ZNF483: variants seen among roughly 807,000 people sequenced by gnomAD.
ZNF483 encodes zinc finger protein HIT-10.
A neutral mutation model predicts 28.6 loss-of-function variants in ZNF483; 9 were observed. That is an observed-to-expected ratio of 0.32 (90% CI 0.19 to 0.55). The LOEUF is 0.55. Among genes scored for constraint, ZNF483 ranks in the 20% least tolerant of loss-of-function variants. The probability of loss-of-function intolerance (pLI) is 0.93; values close to 1 mark genes in which losing one functional copy is unlikely to be tolerated. For missense variants in ZNF483, 675 were observed against 871.7 expected, an observed-to-expected ratio of 0.77 and a Z score of 2.84; for synonymous variants, 322 against 306.2, an observed-to-expected ratio of 1.05 and a Z score of -0.54.
Position 111,543,176 on chromosome 9 carries a change from G to A in ZNF483, c.*6G>A. 5.7e-6 allele frequency: 9 copies of A among 1,584,916 alleles called. No homozygotes were observed. Among genetic ancestry groups the A allele is most frequent in the Non-Finnish European group, 7.7e-6 (9 of 1,166,590 alleles). On this transcript the variant is annotated 3_prime_UTR_variant, in exon 6 of 6. Transcript: ENST00000309235. ...GATTTCACTCTGCAGAGTAATCCTG[G>A]AACTACATTAAAGTGGGGGGAATTT...
chr9:111,538,910 G>A (rs564065166), intron 5 of ZNF483, among the ~76,000 whole-genome samples: 1 of 151,618 alleles, frequency 6.6e-6, no homozygotes, highest in South Asian at 2.1e-4. Context: ...TCAGGAGTTC[G>A]AGACCAACCT....
intron 2 of ZNF483, 124 bp downstream of exon 2, chr9:111,527,931 G>C (rs768456854): frequency 1.9e-6 from 3 of 1,566,436 alleles, no homozygotes; most frequent in Non-Finnish European, 2.6e-6. Flanking sequence ...GACTGGGTTT[G>C]AATCAGCCCT....
chr9:111,538,199 A>G (rs1827567201), intron 5 of ZNF483, among the ~76,000 whole-genome samples: 1 of 151,610 alleles, frequency 6.6e-6, no homozygotes, highest in Non-Finnish European at 1.5e-5. Context: ...ATCTCCAAAA[A>G]TTTTTCTAAC....
chr9:111,557,472 G>T (rs537605490), downstream of ZNF483, among the ~76,000 whole-genome samples: 1 of 151,734 alleles, frequency 6.6e-6, no homozygotes, highest in African/African-American at 2.4e-5. Context: ...TGGAGATGGA[G>T]TCTCGCTCTG....
At chr9:111,560,974 T>TATATAG (rs1564607823) in intron 5 of ZNF483, among the ~76,000 whole-genome samples, 1 of 9,334 alleles carries the variant, frequency 1.1e-4, no homozygotes, top group Non-Finnish European at 1.9e-4. Context: ...TATATATATA[T>TATATAG]AGAGAGAGAG....
intron 4 of ZNF483, among the ~76,000 whole-genome samples, 157 bp downstream of exon 4, chr9:111,534,022 T>C (rs1392352350): frequency 6.6e-6 from 1 of 152,224 alleles, no homozygotes; most frequent in Non-Finnish European, 1.5e-5. Flanking sequence ...AAATGTGCTT[T>C]TCTGCAGCGT....
chr9:111,573,583 G>C (rs1372073873), intron 5 of ZNF483, among the ~76,000 whole-genome samples: 4 of 150,486 alleles, frequency 2.7e-5, no homozygotes, highest in Admixed American at 6.6e-5. Context: ...CTCCTTTTTT[G>C]GGGGGGGACC....
In ZNF483 at chr9:111,549,531, C is replaced by T. The variant is rs1446868672; in HGVS notation, c.*6361C>T. ...TTATGAAGTCTGATGTTGAGAGGTT[C>T]TTCCAGGTTGGAGTTCTCAGGTCTG... On this transcript the variant is annotated 3_prime_UTR_variant, in exon 6 of 6. Coordinates refer to ENST00000309235, the MANE Select transcript of ZNF483 (RefSeq NM_133464.5). Among the ~76,000 whole-genome samples, 1 of 152,164 alleles carries T rather than the reference C, an allele frequency of 6.6e-6. No individual in the cohort carries two copies. Among genetic ancestry groups the T allele is most frequent in the Non-Finnish European group, 1.5e-5 (1 of 68,036 alleles).
In ZNF483 at chr9:111,563,122, C is replaced by T. The variant is rs1443141984; in HGVS notation, c.722-13243C>T. 30 of 1,611,720 alleles carry T rather than the reference C, an allele frequency of 1.9e-5. No individual in the cohort carries two copies. The East Asian group carries it at 6.5e-4, about 35-fold the overall frequency. ...TCCAGATTCCATGTGTCCTCTTTTTCATGCTTTCACTATTGTCTTCCCCAA... is the reference window on the plus strand; with the variant it reads ...TCCAGATTCCATGTGTCCTCTTTTTTATGCTTTCACTATTGTCTTCCCCAA... On this transcript the variant is annotated intron_variant, in intron 5 of 5. Transcript: ENST00000358151.
rs536117521 is a variant in ZNF483 at position 111,545,943 on chromosome 9, C to T, written c.*2773C>T. Among the ~76,000 whole-genome samples the T allele has an allele frequency of 2.6e-5, 4 of 152,238 alleles. No homozygotes were observed. The highest frequency in any genetic ancestry group is 1.9e-4 in the East Asian group (1 of 5,176). ...GCCTGAGGGGAGTTGCTAGGTCATA[C>T]GGTAAATTTTCATTTAACTTTTTTA... On this transcript the variant is annotated 3_prime_UTR_variant, in exon 6 of 6. Transcript: ENST00000309235.
exon 6 of ZNF483, chr9:111,577,192 C>T (rs1341033934): frequency 6.6e-6 from 1 of 152,018 alleles, no homozygotes; most frequent in Non-Finnish European, 1.5e-5. Context: ...ATGGCAAATA[C>T]ATACGTTGAA....
Position 111,554,556 on chromosome 9 carries a change from A to G in ZNF483, c.*11386A>G, listed in dbSNP as rs1352889160. ...AACCTCAGATAGTACCAAACCCTGT[A>G]TGTTCTATGTTTTGTCAGTCTGATA... On this transcript the variant is annotated 3_prime_UTR_variant, in exon 6 of 6. Transcript: ENST00000309235. Among the ~76,000 whole-genome samples, 1 of 152,124 alleles carries G rather than the reference A, an allele frequency of 6.6e-6. No individual in the cohort carries two copies. The highest frequency in any genetic ancestry group is 1.5e-5 in the Non-Finnish European group (1 of 68,012).
rs942166996 is a variant in ZNF483, at chr9:111,553,300, G to A, written c.*10130G>A. Among the ~76,000 whole-genome samples, 4 of 152,140 alleles carry A rather than the reference G, an allele frequency of 2.6e-5. No homozygotes were observed. The highest frequency in any genetic ancestry group is 5.9e-5 in the Non-Finnish European group (4 of 68,030). ...TCTAGTCTTCTTGACTATGCCAGTTGTAGTACCAGCTTCTGTATCTGCACT... is the reference window on the plus strand; with the variant it reads ...TCTAGTCTTCTTGACTATGCCAGTTATAGTACCAGCTTCTGTATCTGCACT... On this transcript the variant is annotated 3_prime_UTR_variant, in exon 6 of 6. Transcript: ENST00000309235.
chr9:111,530,221 A>G (rs930205652), intron 2 of ZNF483, among the ~76,000 whole-genome samples: 14 of 152,218 alleles, frequency 9.2e-5, no homozygotes, highest in Admixed American at 3.9e-4. Context: ...TAAAAACCCA[A>G]AAGGACACAG....
rs1245689888 is a variant in ZNF483 at position 111,545,668 on chromosome 9, T to C, written c.*2498T>C. ...GTACATTTTATGTTATATGTGATCT[T>C]TCTGTGTTTTTTTCATTAATGTGTT... On this transcript the variant is annotated 3_prime_UTR_variant, in exon 6 of 6. Coordinates refer to ENST00000309235, the MANE Select transcript of ZNF483 (RefSeq NM_133464.5). 1.3e-5 allele frequency among the ~76,000 whole-genome samples: 2 copies of C among 152,194 alleles called. No homozygotes were observed. The highest frequency in any genetic ancestry group is 4.8e-5 in the African/African-American group (2 of 41,452).
chr9:111,528,641 A>G (rs1326296841), intron 2 of ZNF483, among the ~76,000 whole-genome samples: 1 of 152,188 alleles, frequency 6.6e-6, no homozygotes, highest in South Asian at 2.1e-4. Flanking sequence ...ATTATTTACC[A>G]TAGGGCTCCT....
chr9:111,531,186 G>A lies in ZNF483; in HGVS notation c.501+223G>A, dbSNP rs1416875545. On this transcript the variant is annotated intron_variant, in intron 3 of 5. Coordinates refer to ENST00000309235, the MANE Select transcript of ZNF483 (RefSeq NM_133464.5). ...CCTTCCAGCCTGGGCAACAGAGCAA[G>A]ACCCTGTCTCTAAAAAAAATAGAAT... Among the ~76,000 whole-genome samples the A allele has an allele frequency of 3.3e-5, 5 of 152,018 alleles. No homozygotes were observed. In the South Asian group the frequency reaches 1.0e-3, roughly 32 times the overall value.
chr9:111,567,812 A>AAGTC (rs554287840), intron 5 of ZNF483, among the ~76,000 whole-genome samples: 1 of 152,196 alleles, frequency 6.6e-6, no homozygotes, highest in Non-Finnish European at 1.5e-5. Flanking sequence ...CTGTTGCGGG[A>AAGTC]AGTCAGGGAC....
intron 2 of ZNF483, among the ~76,000 whole-genome samples, chr9:111,528,871 T>A (rs1442337012): frequency 6.6e-6 from 1 of 152,074 alleles, no homozygotes; most frequent in Non-Finnish European, 1.5e-5. Context: ...TCGGGCTGGG[T>A]ACGGTGGCTC....
Sources: gnomAD v4.1 joint callset for allele counts (sites outside exome capture counted in the v4.1 genomes callset) on GRCh38, gnomAD v4.1.1 for gene constraint, MANE v1.5 for transcripts, NCBI Gene and HGNC (gene_info 2026-07-23, HGNC 2026-07-21) for gene names.